The following SHC3 variants were observed in gnomAD, a reference collection of about 807,000 sequenced individuals.
SHC3 encodes the protein SHC adaptor protein 3.
A neutral mutation model predicts 60.4 loss-of-function variants in SHC3; 15 were observed. That is an observed-to-expected ratio of 0.25 (90% CI 0.17 to 0.38). The LOEUF (loss-of-function observed/expected upper bound fraction) is 0.38, where lower values mean the gene tolerates loss of function less well. SHC3 is among the 10% of genes least tolerant of loss of function. SHC3 has a pLI of 1.00. For missense variants in SHC3, 677 were observed against 786.1 expected (o/e 0.86, Z 1.66); for synonymous variants, 294 against 325.9 (o/e 0.90, Z 1.05).
chr9:89,134,674 G>A (rs764848707), intron 1 of SHC3, among the ~76,000 whole-genome samples: 7 of 151,998 alleles, frequency 4.6e-5, no homozygotes, highest in Non-Finnish European at 8.8e-5. Context: ...TTCTTGTTTT[G>A]ATCCTCTTCA....
intron 1 of SHC3, among the ~76,000 whole-genome samples, chr9:89,143,403 G>A (rs765282506): frequency 2.7e-4 from 41 of 151,852 alleles, no homozygotes; most frequent in South Asian, 6.2e-4. Flanking sequence ...CCTTTATCTC[G>A]TGCCGACCTC....
At chr9:89,059,968 GATGGTGGAGGATTTAGTGGTGGAC>G (rs1374175893) in intron 6 of SHC3, among the ~76,000 whole-genome samples, 2 of 149,150 alleles carry the variant, frequency 1.3e-5, no homozygotes, top group African/African-American at 5.0e-5. Flanking sequence ...AGTGGAGGAC[GATGGTGGAGGATTTAGTGGTGGAC>G]ATGGTGGAGG....
intron 1 of SHC3, among the ~76,000 whole-genome samples, chr9:89,130,566 T>G (rs964710057): frequency 6.6e-6 from 1 of 152,140 alleles, no homozygotes; most frequent in African/African-American, 2.4e-5. Context: ...ACAAACTGTC[T>G]CTCAGACCAC....
At chr9:89,132,068 A>G (rs1205313827) in intron 1 of SHC3, among the ~76,000 whole-genome samples, 1 of 152,226 alleles carries the variant, frequency 6.6e-6, no homozygotes, top group Non-Finnish European at 1.5e-5. Context: ...AAGTCTCAGG[A>G]TACAAAATCA....
chr9:89,096,802 C>T (rs1190049682), intron 2 of SHC3, among the ~76,000 whole-genome samples: 1 of 152,202 alleles, frequency 6.6e-6, no homozygotes, highest in Non-Finnish European at 1.5e-5. Flanking sequence ...GGCTGCTCAT[C>T]ATCCTAAAAT....
At chr9:89,118,210 G>A (rs887745056) in intron 1 of SHC3, among the ~76,000 whole-genome samples, 6 of 147,398 alleles carry the variant, frequency 4.1e-5, no homozygotes, top group African/African-American at 1.3e-4. Flanking sequence ...TTTCCATTCC[G>A]TCTCTACCTA....
chr9:89,081,937 A>G (rs1274472331), intron 2 of SHC3, among the ~76,000 whole-genome samples: 1 of 152,056 alleles, frequency 6.6e-6, no homozygotes, highest in Admixed American at 6.5e-5. Flanking sequence ...CAGGGGGTGG[A>G]TACAGAGAGG....
chr9:89,025,959 A>G (rs116510440), intron 11 of SHC3, among the ~76,000 whole-genome samples: 6,815 of 152,176 alleles, frequency 0.045, 371 homozygotes, highest in African/African-American at 0.13. Context: ...GATGAGAAAC[A>G]TTGGCTGGGC....
At chr9:89,124,892 T>A (rs896704194) in intron 1 of SHC3, among the ~76,000 whole-genome samples, 2 of 150,858 alleles carry the variant, frequency 1.3e-5, no homozygotes, top group African/African-American at 2.4e-5. Flanking sequence ...AGGAAAAAAA[T>A]ATCTCCCTCA....
chr9:89,066,736 G>A (rs1271398372), intron 5 of SHC3, among the ~76,000 whole-genome samples: 1 of 152,186 alleles, frequency 6.6e-6, no homozygotes, highest in African/African-American at 2.4e-5. Context: ...GATGTTGCCA[G>A]CACCTAAAAG....
At chr9:89,108,043 C>A (rs1825889469) in intron 2 of SHC3, among the ~76,000 whole-genome samples, 1 of 152,156 alleles carries the variant, frequency 6.6e-6, no homozygotes, top group African/African-American at 2.4e-5. Flanking sequence ...CAAATACTTA[C>A]CATTGTGTTC....
rs1184540184 is a variant in SHC3 at position 89,012,785 on chromosome 9, C to T, written c.*662G>A. On this transcript the variant is annotated 3_prime_UTR_variant, in exon 12 of 12. Coordinates refer to ENST00000375835, the MANE Select transcript of SHC3 (RefSeq NM_016848.6). ...TGGCGGGGCCCTGTGCTCAGCAGGACCCGGAGAAGCTGGAGTGCCACCTGT... is the reference window on the plus strand; with the variant it reads ...TGGCGGGGCCCTGTGCTCAGCAGGATCCGGAGAAGCTGGAGTGCCACCTGT... 1 of 152,182 alleles carries T rather than the reference C, an allele frequency of 6.6e-6. No homozygotes were observed. Among genetic ancestry groups the T allele is most frequent in the African/African-American group, 2.4e-5 (1 of 41,444 alleles). The allele number at this position is 152,182 out of a possible 1,614,324, so 9.4% of individuals were successfully genotyped here. A position where few individuals can be genotyped will look rare whatever the true frequency, so the allele number is the denominator to read the frequency against.
chr9:89,055,875 T>C lies in SHC3; in HGVS notation c.836-3712A>G, dbSNP rs552913335. The stretch of plus-strand genomic sequence containing the variant: ...TGCATCCCCAATAAGTGTCTATTTG[T>C]AAATTATTAACGTGCATTCCTGTAT... On this transcript the variant is annotated intron_variant, in intron 6 of 11. Transcript: ENST00000375835. 4.6e-5 allele frequency among the ~76,000 whole-genome samples: 7 copies of C among 152,378 alleles called. No homozygotes were observed. In the South Asian group the frequency reaches 1.4e-3, roughly 32 times the overall value.
intron 1 of SHC3, among the ~76,000 whole-genome samples, chr9:89,164,417 T>G (rs1483230194): frequency 2.0e-5 from 3 of 150,430 alleles, no homozygotes; most frequent in Non-Finnish European, 4.4e-5. Flanking sequence ...AGGGGAAGAG[T>G]TTGAGCTAAG....
chr9:89,104,916 G>A (rs1467554455), intron 2 of SHC3, among the ~76,000 whole-genome samples: 1 of 152,118 alleles, frequency 6.6e-6, no homozygotes. Context: ...ATTCAACTAA[G>A]AGTTTCTGAA....
chr9:89,062,695 A>T (rs536647433), intron 6 of SHC3, among the ~76,000 whole-genome samples: 21 of 152,314 alleles, frequency 1.4e-4, no homozygotes, highest in Admixed American at 5.2e-4. Flanking sequence ...CAACACTACA[A>T]GGTCTGCTCA....
chr9:89,134,242 G>A (rs1304309), intron 1 of SHC3, among the ~76,000 whole-genome samples: 141,454 of 152,216 alleles, frequency 0.93, 65,846 homozygotes, highest in East Asian at 0.98. Flanking sequence ...TTTCTTGCCT[G>A]TGTTTAAAGG....
At chr9:89,121,276 A>T (rs780152131) in intron 1 of SHC3, among the ~76,000 whole-genome samples, 1 of 152,118 alleles carries the variant, frequency 6.6e-6, no homozygotes, top group Non-Finnish European at 1.5e-5. Context: ...AATGTACAAA[A>T]AGGAGGAAGT....
chr9:89,155,170 C>T lies in SHC3; in HGVS notation c.474+22817G>A, dbSNP rs550508421. ...TGAAGCCGGTGCCACCAGCCAGGTTCTCAGTGCTGTTTCTGGTTCGACGGA... is the reference window on the plus strand; with the variant it reads ...TGAAGCCGGTGCCACCAGCCAGGTTTTCAGTGCTGTTTCTGGTTCGACGGA... On this transcript the variant is annotated intron_variant, in intron 1 of 11. Coordinates refer to ENST00000375835, the MANE Select transcript of SHC3 (RefSeq NM_016848.6). Among the ~76,000 whole-genome samples the T allele has an allele frequency of 6.9e-4, 105 of 152,328 alleles. 1 individual carries two copies. The highest frequency in any genetic ancestry group is 2.5e-3 in the African/African-American group (104 of 41,570).
Sources: gnomAD v4.1 joint callset for allele counts (sites outside exome capture counted in the v4.1 genomes callset) on GRCh38, gnomAD v4.1.1 for gene constraint, MANE v1.5 for transcripts, NCBI Gene and HGNC (gene_info 2026-07-23, HGNC 2026-07-21) for gene names.